The following TBC1D10A variants were observed in gnomAD, a reference collection of about 807,000 sequenced individuals.
TBC1D10A encodes TBC1 domain family member 10A.
TBC1D10A carries 24 observed loss-of-function variants against 52.9 expected under a neutral mutation model. The ratio of observed to expected loss-of-function variants is 0.45; its 90% CI spans 0.33 to 0.64. The LOEUF (loss-of-function observed/expected upper bound fraction) is 0.64, where lower values mean the gene tolerates loss of function less well. TBC1D10A is among the 30% of genes least tolerant of loss of function. The pLI is 0.02. For missense variants in TBC1D10A, 602 were observed against 687.9 expected (o/e 0.88, Z 1.40); for synonymous variants, 278 against 282.9 (o/e 0.98, Z 0.17).
At chr22:30,310,695 A>G (rs1206389429) in intron 1 of TBC1D10A, among the ~76,000 whole-genome samples, 1 of 152,220 alleles carries the variant, frequency 6.6e-6, no homozygotes, top group Non-Finnish European at 1.5e-5. Context: ...CAATCCCCCA[A>G]GGAAATAGCT....
At chr22:30,298,602 T>C (rs892624876) in intron 3 of TBC1D10A, 2 of 152,272 alleles carry the variant, frequency 1.3e-5, no homozygotes, top group African/African-American at 4.8e-5. Context: ...TCTGTCTCAC[T>C]GTCTGCCTGT....
intron 1 of TBC1D10A, among the ~76,000 whole-genome samples, chr22:30,322,593 CTTTTTTTTTTTTTTTTT>C (rs34874729): frequency 8.0e-5 from 2 of 24,874 alleles, no homozygotes; most frequent in African/African-American, 5.1e-4. Flanking sequence ...TCACTTTCAG[CTTTTTTTTTTTTTTTTT>C]TTTTTTTTTT....
chr22:30,318,251 GC>G (rs1930578062), intron 1 of TBC1D10A, among the ~76,000 whole-genome samples: 1 of 152,062 alleles, frequency 6.6e-6, no homozygotes, highest in African/African-American at 2.4e-5. Context: ...GTGTCCAAAG[GC>G]CCAAACCCAC....
At chr22:30,325,212 T>C (rs1302795047) in intron 1 of TBC1D10A, among the ~76,000 whole-genome samples, 1 of 152,058 alleles carries the variant, frequency 6.6e-6, no homozygotes, top group Non-Finnish European at 1.5e-5. Context: ...TGTGAGCCAG[T>C]AGGGAGATAC....
At chr22:30,316,465 T>TTG (rs1555974894) in intron 1 of TBC1D10A, among the ~76,000 whole-genome samples, 12 of 151,834 alleles carry the variant, frequency 7.9e-5, no homozygotes, top group African/African-American at 2.7e-4. Flanking sequence ...GTTTTTGTTT[T>TTG]TTTTTTTTTG....
intron 1 of TBC1D10A, among the ~76,000 whole-genome samples, chr22:30,326,200 G>A (rs1930768168): frequency 6.6e-6 from 1 of 151,104 alleles, no homozygotes; most frequent in Admixed American, 6.6e-5. Context: ...GTCTCCTGGT[G>A]TGGGGGCAGT....
At chr22:30,298,523 G>T (rs1176105884) in intron 3 of TBC1D10A, 2 of 152,276 alleles carry the variant, frequency 1.3e-5, no homozygotes, top group Non-Finnish European at 2.9e-5. Flanking sequence ...AACAGGTTTG[G>T]CAAGACTGGA....
At chr22:30,308,312 C>A (rs913281125) in intron 1 of TBC1D10A, among the ~76,000 whole-genome samples, 7 of 134,140 alleles carry the variant, frequency 5.2e-5, no homozygotes, top group South Asian at 2.2e-4. Context: ...GCCTGCCTGC[C>A]TGCATGCCTG....
intron 1 of TBC1D10A, among the ~76,000 whole-genome samples, chr22:30,319,339 T>C (rs1930604338): frequency 6.6e-6 from 1 of 152,242 alleles, no homozygotes; most frequent in Non-Finnish European, 1.5e-5. Flanking sequence ...TGTGAGTGCC[T>C]TGAGGGCAAT....
In TBC1D10A at chr22:30,292,643, C is replaced by T. The variant is rs771757148; in HGVS notation, c.1259G>A (p.Gly420Asp). 3 of 1,611,540 alleles carry T rather than the reference C, an allele frequency of 1.9e-6. No individual in the cohort carries two copies. Among genetic ancestry groups the T allele is most frequent in the Non-Finnish European group, 2.5e-6 (3 of 1,178,876 alleles). ...GGGTGGCTTGGGCTTGGCTTTGGAG[C>T]CAGGGAGGGGGGCATCTAGGGGCAG... ...IRLPLDAPLP[G>D]SKAKPKPPKQ... Residue 420 changes from glycine (G) to aspartate (D), a missense_variant, in exon 9 of 9, where the codon GGC (glycine) becomes GAC (aspartate). This residue lies in a region of TBC1D10A where 265 missense variants were observed against 275.1 expected (regional missense o/e 0.96). Coordinates refer to ENST00000215790, the MANE Select transcript of TBC1D10A (RefSeq NM_031937.3).
At chr22:30,308,125 G>A (rs1930347023) in intron 1 of TBC1D10A, among the ~76,000 whole-genome samples, 1 of 152,228 alleles carries the variant, frequency 6.6e-6, no homozygotes, top group Admixed American at 6.5e-5. Flanking sequence ...TAGAATCCAA[G>A]GCTTAGTAAT....
intron 3 of TBC1D10A, 56 bp downstream of exon 3, chr22:30,299,387 TG>T: frequency 6.4e-7 from 1 of 1,551,058 alleles, no homozygotes; most frequent in Non-Finnish European, 8.9e-7. Context: ...ATTGCCGCCA[TG>T]GGGAGGACGC....
chr22:30,317,747 C>CA (rs1930569154), intron 1 of TBC1D10A, among the ~76,000 whole-genome samples: 1 of 152,196 alleles, frequency 6.6e-6, no homozygotes, highest in Non-Finnish European at 1.5e-5. Context: ...GGACTACCGG[C>CA]ACGTGCCACC....
At chr22:30,293,587 C>G in intron 8 of TBC1D10A, 64 bp downstream of exon 8, 1 of 1,561,254 alleles carries the variant, frequency 6.4e-7, no homozygotes, top group African/African-American at 1.4e-5. Context: ...TAGCGGGACC[C>G]CCTTCAAAGG....
intron 8 of TBC1D10A, 196 bp from the exon 9 acceptor site, chr22:30,293,047 G>C: frequency 3.1e-6 from 2 of 637,478 alleles, no homozygotes; most frequent in Non-Finnish European, 5.5e-6. Context: ...CTGGACACTT[G>C]AGACCCACCG....
At chr22:30,324,913 T>A (rs898013808) in intron 1 of TBC1D10A, among the ~76,000 whole-genome samples, 6 of 152,328 alleles carry the variant, frequency 3.9e-5, no homozygotes, top group African/African-American at 7.2e-5. Context: ...TCTGGTTGAT[T>A]GCCTGATAAG....
At chr22:30,292,917 C>T in intron 8 of TBC1D10A, 66 bp from the exon 9 acceptor site, 1 of 1,561,134 alleles carries the variant, frequency 6.4e-7, no homozygotes, top group Non-Finnish European at 8.7e-7. Context: ...TGCCTCCCAG[C>T]CTGGGCCCCC....
chr22:30,312,683 T>C (rs1388946754), intron 1 of TBC1D10A, among the ~76,000 whole-genome samples: 1 of 152,132 alleles, frequency 6.6e-6, no homozygotes, highest in Non-Finnish European at 1.5e-5. Flanking sequence ...TATAGGCCCC[T>C]ACCCCTGAGC....
chr22:30,326,909 A>T lies in TBC1D10A; in HGVS notation c.-28T>A. On this transcript the variant is annotated 5_prime_UTR_variant, in exon 1 of 9. Coordinates refer to ENST00000215790, the MANE Select transcript of TBC1D10A (RefSeq NM_031937.3). ...CAGCCGCGCCCGCCGCCTGAGCTCC[A>T]GCGGCCACCTCAGCCGCCCTGCTGC... 1.4e-6 allele frequency: 2 copies of T among 1,447,586 alleles called. No individual in the cohort carries two copies. Among genetic ancestry groups the T allele is most frequent in the Non-Finnish European group, 1.8e-6 (2 of 1,104,980 alleles). 89.7% of individuals were successfully genotyped at this position (1,447,586 alleles called of 1,614,324 possible).
Sources: gnomAD v4.1 joint callset for allele counts (sites outside exome capture counted in the v4.1 genomes callset) on GRCh38, gnomAD v4.1.1 for gene constraint, gnomAD v4.1.1 regional missense constraint, MANE v1.5 for transcripts, NCBI Gene and HGNC (gene_info 2026-07-23, HGNC 2026-07-21) for gene names.